Variants in ARHGAP15 observed in about 807,000 individuals in gnomAD.
ARHGAP15 encodes the protein Rho GTPase activating protein 15.
ARHGAP15 carries 51 observed loss-of-function variants against 63.7 expected under a neutral mutation model. The ratio of observed to expected loss-of-function variants is 0.80; its 90% CI spans 0.64 to 1.01. ARHGAP15 has a LOEUF of 1.01. Among genes scored for constraint, ARHGAP15 ranks in the 50% least tolerant of loss-of-function variants. The probability of loss-of-function intolerance (pLI) is 0.00; values close to 1 mark genes in which losing one functional copy is unlikely to be tolerated. For synonymous variants in ARHGAP15, 191 were observed against 193.8 expected, an observed-to-expected ratio of 0.99 and a Z score of 0.12; for missense variants, 560 against 564.6, an observed-to-expected ratio of 0.99 and a Z score of 0.08.
intron 6 of ARHGAP15, among the ~76,000 whole-genome samples, chr2:143,296,702 G>T (rs1682646840): frequency 6.6e-6 from 1 of 151,888 alleles, no homozygotes; most frequent in South Asian, 2.1e-4. Flanking sequence ...AGGTATTAGG[G>T]TACATGTGAA....
chr2:143,533,008 GAAC>G (rs1010785337), intron 10 of ARHGAP15, among the ~76,000 whole-genome samples: 15 of 152,164 alleles, frequency 9.9e-5, no homozygotes, highest in African/African-American at 3.1e-4. Context: ...ACTATTTTAT[GAAC>G]AACAACTTCA....
At chr2:143,393,749 A>ATTTTTTTTTTTTTTTTTTTTTT (rs1687641021) in intron 6 of ARHGAP15, among the ~76,000 whole-genome samples, 1 of 151,662 alleles carries the variant, frequency 6.6e-6, no homozygotes, top group Non-Finnish European at 1.5e-5. Context: ...AAAAAAAAAA[A>ATTTTTTTTTTTTTTTTTTTTTT]AAAAAGTGAA....
intron 2 of ARHGAP15, among the ~76,000 whole-genome samples, chr2:143,200,698 T>C (rs1453408267): frequency 1.3e-5 from 2 of 152,178 alleles, no homozygotes; most frequent in East Asian, 3.9e-4. Context: ...CTCTTTATGT[T>C]TTATTGTAGA....
At chr2:143,535,783 C>T (rs1018745459) in intron 10 of ARHGAP15, among the ~76,000 whole-genome samples, 2 of 152,110 alleles carry the variant, frequency 1.3e-5, no homozygotes, top group Non-Finnish European at 2.9e-5. Context: ...TTAAGACATC[C>T]TTTATTTACA....
chr2:143,427,006 T>C (rs1689163361), intron 6 of ARHGAP15, among the ~76,000 whole-genome samples: 1 of 152,042 alleles, frequency 6.6e-6, no homozygotes, highest in South Asian at 2.1e-4. Context: ...TATATTTCTC[T>C]ATAAGCATCT....
intron 3 of ARHGAP15, among the ~76,000 whole-genome samples, chr2:143,209,118 C>T (rs1029488761): frequency 6.6e-5 from 10 of 152,052 alleles, no homozygotes; most frequent in African/African-American, 1.9e-4. Flanking sequence ...TGTTTTAAAA[C>T]GAAGGACATA....
At chr2:143,183,645 G>C (rs1262480998) in intron 2 of ARHGAP15, among the ~76,000 whole-genome samples, 2 of 151,932 alleles carry the variant, frequency 1.3e-5, no homozygotes, top group African/African-American at 4.8e-5. Flanking sequence ...CCGAGTGTGA[G>C]AATAGGACAC....
chr2:143,416,463 C>G (rs953142974), intron 6 of ARHGAP15, among the ~76,000 whole-genome samples: 1 of 150,558 alleles, frequency 6.6e-6, no homozygotes, highest in African/African-American at 2.4e-5. Context: ...AGAATCCTTG[C>G]TGGTTTCACT....
intron 6 of ARHGAP15, among the ~76,000 whole-genome samples, chr2:143,266,660 G>A (rs190169976): frequency 1.3e-5 from 2 of 152,010 alleles, no homozygotes; most frequent in African/African-American, 4.8e-5. Flanking sequence ...GAGACAGAGA[G>A]ATAGAGTTCT....
intron 8 of ARHGAP15, among the ~76,000 whole-genome samples, chr2:143,460,697 T>C (rs1690893138): frequency 6.6e-6 from 1 of 152,168 alleles, no homozygotes; most frequent in African/African-American, 2.4e-5. Context: ...AGGAAGACTT[T>C]ACCTAAACTT....
At chr2:143,663,332 G>T (rs1425977482) in intron 12 of ARHGAP15, among the ~76,000 whole-genome samples, 1 of 151,618 alleles carries the variant, frequency 6.6e-6, no homozygotes, top group African/African-American at 2.4e-5. Context: ...ATAAGGGAAG[G>T]AGAAATAAAA....
chr2:143,750,982 G>C (rs1686350214), intron 13 of ARHGAP15, among the ~76,000 whole-genome samples: 1 of 152,234 alleles, frequency 6.6e-6, no homozygotes, highest in Non-Finnish European at 1.5e-5. Flanking sequence ...CTCCACATTA[G>C]ATGTCAGGTC....
intron 11 of ARHGAP15, among the ~76,000 whole-genome samples, chr2:143,599,429 C>T (rs140638474): frequency 1.3e-5 from 2 of 152,022 alleles, no homozygotes; most frequent in East Asian, 3.9e-4. Context: ...ACATTTATCA[C>T]AAAAATTAAT....
rs1300514036 is a variant in ARHGAP15 at position 143,597,658 on chromosome 2, G to GTAAATTATTTGTTAAGTAA, written c.1004-26475_1004-26474insTAAATTATTTGTTAAGTAA. On this transcript the variant is annotated intron_variant, in intron 11 of 13. Coordinates refer to ENST00000295095, the MANE Select transcript of ARHGAP15 (RefSeq NM_018460.4). ...AAGTAACTGTTTTGTTAAGTAAATA[G>GTAAATTATTTGTTAAGTAA]CATTTACTCACATGAGAAAATAACT... Among the ~76,000 whole-genome samples the GTAAATTATTTGTTAAGTAA allele has an allele frequency of 4.3e-4, 66 of 152,182 alleles. No individual in the cohort carries two copies. In the East Asian group the frequency reaches 0.012, roughly 28 times the overall value.
intron 12 of ARHGAP15, among the ~76,000 whole-genome samples, chr2:143,679,141 TAAA>T (rs5834962): frequency 6.7e-6 from 1 of 149,944 alleles, no homozygotes; most frequent in Non-Finnish European, 1.5e-5. Context: ...CCACAAAGGC[TAAA>T]AAAAAAAAAT....
chr2:143,486,834 T>C (rs1692348796), intron 8 of ARHGAP15, among the ~76,000 whole-genome samples: 1 of 152,132 alleles, frequency 6.6e-6, no homozygotes. Flanking sequence ...GAATTTCACA[T>C]AGAACTGGTA....
intron 6 of ARHGAP15, among the ~76,000 whole-genome samples, chr2:143,432,805 CA>C (rs1689445148): frequency 6.6e-6 from 1 of 152,014 alleles, no homozygotes; most frequent in Non-Finnish European, 1.5e-5. Flanking sequence ...TATATTCCTT[CA>C]AAATACGACC....
chr2:143,421,800 ATG>A (rs60882246), intron 6 of ARHGAP15, among the ~76,000 whole-genome samples: 11 of 14,410 alleles, frequency 7.6e-4, no homozygotes, highest in South Asian at 3.0e-3. Context: ...ATATATATAT[ATG>A]TGTGTGTTTC....
chr2:143,564,665 C>T (rs1038824187), intron 11 of ARHGAP15, among the ~76,000 whole-genome samples: 1 of 151,974 alleles, frequency 6.6e-6, no homozygotes, highest in Non-Finnish European at 1.5e-5. Context: ...ATGCCTGTTT[C>T]GATAACTAGT....
Sources: gnomAD v4.1 joint callset for allele counts (sites outside exome capture counted in the v4.1 genomes callset) on GRCh38, gnomAD v4.1.1 for gene constraint, MANE v1.5 for transcripts, NCBI Gene and HGNC (gene_info 2026-07-23, HGNC 2026-07-21) for gene names.